The following DPP6 variants were observed in gnomAD, a reference collection of about 807,000 sequenced individuals.
The protein encoded by DPP6 is dipeptidyl peptidase like 6.
Under a neutral mutation model 122.6 loss-of-function variants are expected in DPP6, and 69 were observed. The ratio of observed to expected loss-of-function variants is 0.56; its 90% confidence interval spans 0.46 to 0.69. The LOEUF is 0.69. Among genes scored for constraint, DPP6 ranks in the 30% least tolerant of loss-of-function variants. The pLI, the probability that DPP6 is intolerant of heterozygous loss-of-function variation, is 0.00. For missense variants in DPP6, 928 were observed against 1,116.9 expected (o/e 0.83, Z 2.41); for synonymous variants, 418 against 433.1 (o/e 0.97, Z 0.43).
At position 153,965,002 on chromosome 7, in the gene DPP6, T is replaced by C. The variant is rs1404199301; in HGVS notation, c.51+77268T>C. 6.2e-3 allele frequency among the ~76,000 whole-genome samples: 796 copies of C among 128,692 alleles called. 19 individuals are homozygous for C. The highest frequency in any genetic ancestry group is 0.015 in the South Asian group (62 of 4,100). The allele number at this position is 128,692 out of a possible 152,430, so 84.4% of individuals were successfully genotyped here. On this transcript the variant is annotated intron_variant, in intron 1 of 25. Transcript: ENST00000404039. ...TCCCTTCCTTCCTTCCTTCCTTTCT[T>C]CCTTCCTTCCTTCCTTCCTTCCTTC...
chr7:154,146,509 T>C (rs1796089608), intron 1 of DPP6, among the ~76,000 whole-genome samples: 1 of 152,166 alleles, frequency 6.6e-6, no homozygotes, highest in African/African-American at 2.4e-5. Context: ...TCGCTGATTC[T>C]TTCCCTCCCT....
At chr7:154,426,619 A>G (rs1247233713) in intron 1 of DPP6, among the ~76,000 whole-genome samples, 1 of 152,096 alleles carries the variant, frequency 6.6e-6, no homozygotes, top group Non-Finnish European at 1.5e-5. Context: ...TGGTTCCCAT[A>G]TCGGTGAGAC....
chr7:154,685,321 G>A (rs1427669841), intron 7 of DPP6, among the ~76,000 whole-genome samples: 2 of 152,204 alleles, frequency 1.3e-5, no homozygotes, highest in African/African-American at 4.8e-5. Flanking sequence ...GGAAACAAAA[G>A]GTTTATGGTG....
intron 1 of DPP6, among the ~76,000 whole-genome samples, chr7:154,046,417 G>A (rs2129059610): frequency 6.6e-6 from 1 of 152,344 alleles, no homozygotes; most frequent in Non-Finnish European, 1.5e-5. Context: ...ATGGGGTGGA[G>A]AGTAGTATTT....
intron 7 of DPP6, among the ~76,000 whole-genome samples, chr7:154,691,810 C>A: frequency 1.1e-5 from 1 of 89,574 alleles, no homozygotes; most frequent in African/African-American, 3.6e-5. Flanking sequence ...CAGAGTGAGA[C>A]TCTGTCTCAA....
intron 1 of DPP6, among the ~76,000 whole-genome samples, chr7:154,156,766 TAGG>T (rs1375717311): frequency 6.8e-6 from 1 of 147,962 alleles, no homozygotes. Context: ...GAGGTATAGA[TAGG>T]TAGGTAGGTA....
At chr7:154,311,408 A>T (rs1806869654) in intron 1 of DPP6, among the ~76,000 whole-genome samples, 2 of 151,928 alleles carry the variant, frequency 1.3e-5, no homozygotes, top group Non-Finnish European at 2.9e-5. Context: ...AGGTAGGAGG[A>T]TCACCTGAGC....
At chr7:154,339,005 A>G (rs36089937) in intron 1 of DPP6, among the ~76,000 whole-genome samples, 12,248 of 152,208 alleles carry the variant, frequency 0.08, 647 homozygotes, top group African/African-American at 0.14. Flanking sequence ...TAACGTTGCT[A>G]TTTAATCTCC....
chr7:154,816,494 A>G (rs1190518358), intron 16 of DPP6, among the ~76,000 whole-genome samples: 3 of 152,162 alleles, frequency 2.0e-5, no homozygotes, highest in Non-Finnish European at 4.4e-5. Context: ...TCCCTGGTGG[A>G]TATGGGGCAC....
At chr7:154,773,266 C>A (rs961778587) in intron 10 of DPP6, among the ~76,000 whole-genome samples, 1 of 152,188 alleles carries the variant, frequency 6.6e-6, no homozygotes, top group African/African-American at 2.4e-5. Context: ...CCAAGACAAT[C>A]CATGGAGTCT....
intron 1 of DPP6, among the ~76,000 whole-genome samples, chr7:154,098,528 G>A (rs1285333926): frequency 1.3e-5 from 2 of 152,050 alleles, no homozygotes; most frequent in African/African-American, 4.8e-5. Context: ...CCTCCAAGAA[G>A]GAAACAAAGA....
chr7:154,372,987 C>T (rs188380476), intron 1 of DPP6, among the ~76,000 whole-genome samples: 3 of 152,336 alleles, frequency 2.0e-5, no homozygotes, highest in Non-Finnish European at 4.4e-5. Context: ...GTCTCTTCCC[C>T]TCTTGGCCTG....
the DPP6 span, among the ~76,000 whole-genome samples, chr7:153,759,065 C>T: frequency 1.5e-4 from 22 of 151,516 alleles, no homozygotes; most frequent in African/African-American, 5.1e-4. Context: ...CAATATGAGC[C>T]ATTTAAATAA....
chr7:153,920,529 G>T (rs539140132), intron 1 of DPP6, among the ~76,000 whole-genome samples: 2 of 143,050 alleles, frequency 1.4e-5, no homozygotes, highest in Non-Finnish European at 3.0e-5. Flanking sequence ...CTTACTTCCT[G>T]TGTAGGTAGT....
intron 8 of DPP6, among the ~76,000 whole-genome samples, chr7:154,763,528 T>C (rs1448012799): frequency 6.6e-6 from 1 of 152,064 alleles, no homozygotes; most frequent in East Asian, 1.9e-4. Flanking sequence ...TATGATGAGA[T>C]ATAGATGCGA....
chr7:154,712,218 A>G (rs1315733287), intron 7 of DPP6, among the ~76,000 whole-genome samples: 3 of 152,200 alleles, frequency 2.0e-5, no homozygotes, highest in East Asian at 3.9e-4. Context: ...CTGGGAATAG[A>G]TGTATATTTG....
At chr7:153,855,408 C>T in the DPP6 span, among the ~76,000 whole-genome samples, 1 of 152,076 alleles carries the variant, frequency 6.6e-6, no homozygotes, top group African/African-American at 2.4e-5. Context: ...TGTGTGTCTC[C>T]ATTTTCTCCC....
At chr7:154,728,608 CTTAG>C (rs1455428822) in intron 8 of DPP6, among the ~76,000 whole-genome samples, 1 of 152,210 alleles carries the variant, frequency 6.6e-6, no homozygotes, top group African/African-American at 2.4e-5. Context: ...CACCCTCTGT[CTTAG>C]TTTGTTCAGG....
intron 1 of DPP6, among the ~76,000 whole-genome samples, chr7:153,939,545 A>C (rs1034483330): frequency 1.1e-4 from 16 of 152,194 alleles, no homozygotes; most frequent in African/African-American, 3.9e-4. Context: ...AGTCTGAAAA[A>C]AAAGGACCTC....
Sources: allele counts gnomAD v4.1 joint callset (sites outside exome capture counted in the v4.1 genomes callset), GRCh38; gene constraint gnomAD v4.1.1; transcripts MANE v1.5; gene names NCBI Gene and HGNC (gene_info 2026-07-23, HGNC 2026-07-21).